Variants in SLC36A3 observed in about 807,000 individuals in gnomAD.
The protein encoded by SLC36A3 is solute carrier family 36 member 3.
A neutral mutation model predicts 44.3 loss-of-function variants in SLC36A3; 35 were observed. The ratio of observed to expected loss-of-function variants is 0.79; its 90% CI spans 0.60 to 1.05. The LOEUF is 1.05. SLC36A3 is among the 50% of genes least tolerant of loss of function. The pLI is 0.00. For missense variants in SLC36A3, 540 were observed against 578.7 expected (o/e 0.93, Z 0.69); for synonymous variants, 211 against 227.6 (o/e 0.93, Z 0.66).
chr5:151,292,604 A>G (rs2127266385), intron 4 of SLC36A3, among the ~76,000 whole-genome samples: 1 of 152,396 alleles, frequency 6.6e-6, no homozygotes, highest in South Asian at 2.1e-4. Context: ...TTATCAAGGC[A>G]GGGAACAACC....
At chr5:151,301,939 G>T (rs1205883293) in intron 1 of SLC36A3, among the ~76,000 whole-genome samples, 1 of 152,092 alleles carries the variant, frequency 6.6e-6, no homozygotes, top group African/African-American at 2.4e-5. Context: ...TCCTAGAGGG[G>T]TATTATTAAT....
chr5:151,299,264 C>CTCTCTCTCTATATATATATATATATA (rs1372309288), intron 1 of SLC36A3, among the ~76,000 whole-genome samples: 1 of 59,648 alleles, frequency 1.7e-5, no homozygotes, highest in African/African-American at 6.2e-5. Flanking sequence ...CTCTCTCTCT[C>CTCTCTCTCTATATATATATATATATA]TATATATATA....
rs1420266537 is a variant in SLC36A3 at position 151,284,109 on chromosome 5, T to G, written c.909A>C (p.Thr303=). 1 of 1,613,996 alleles carries G rather than the reference T, an allele frequency of 6.2e-7. No individual in the cohort carries two copies. Among genetic ancestry groups the G allele is most frequent in the African/African-American group, 1.3e-5 (1 of 74,902 alleles). ...CTGACCCAAACTTCATGTAGCCCAG[T>G]GTCCCCAGTAAGATATAGAGGATGA... ...IVIILYILLG[T]LGYMKFGSDT... is the part of the protein sequence containing the mutation. Residue 303 remains threonine (T), a synonymous_variant, in exon 8 of 10, where the codon ACA becomes ACC. Coordinates refer to ENST00000335230, the MANE Select transcript of SLC36A3 (RefSeq NM_181774.4).
chr5:151,297,677 T>C (rs1433045912), intron 2 of SLC36A3: 1 of 152,212 alleles, frequency 6.6e-6, no homozygotes, highest in Non-Finnish European at 1.5e-5. Context: ...AAAATAAATA[T>C]GTCGACCGGA....
intron 1 of SLC36A3, among the ~76,000 whole-genome samples, chr5:151,299,264 C>CTCTCTATATATATATATATATATA (rs1372309288): frequency 5.0e-5 from 3 of 59,646 alleles, no homozygotes; most frequent in African/African-American, 1.2e-4. Context: ...CTCTCTCTCT[C>CTCTCTATATATATATATATATATA]TATATATATA....
At chr5:151,299,264 CTATA>C (rs66776978) in intron 1 of SLC36A3, among the ~76,000 whole-genome samples, 3,114 of 59,338 alleles carry the variant, frequency 0.052, 87 homozygotes, top group African/African-American at 0.094. Flanking sequence ...CTCTCTCTCT[CTATA>C]TATATATATA....
At position 151,298,517 on chromosome 5, in the gene SLC36A3, T is replaced by A; in HGVS notation, c.219+76A>T. The stretch of plus-strand genomic sequence containing the variant: ...CCCCCAAATTGCCCATTGATAACAG[T>A]GTGAAGGCCTTCAGGACCTATCACC... On this transcript the variant is annotated intron_variant, in intron 2 of 9. Transcript: ENST00000335230. The A allele has an allele frequency of 2.1e-6, 3 of 1,418,964 alleles. No homozygotes were observed. In the South Asian group the frequency reaches 3.6e-5, roughly 17 times the overall value. The allele number at this position is 1,418,964 out of a possible 1,614,324, so 87.9% of individuals were successfully genotyped here. A position where few individuals can be genotyped will look rare whatever the true frequency, so the allele number is the denominator to read the frequency against.
intron 9 of SLC36A3, among the ~76,000 whole-genome samples, chr5:151,278,473 C>T (rs2127251056): frequency 6.6e-6 from 1 of 151,812 alleles, no homozygotes; most frequent in South Asian, 2.1e-4. Flanking sequence ...ACAATTATTA[C>T]ATTGATGTAT....
chr5:151,302,625 G>A (rs1755201938), intron 1 of SLC36A3, among the ~76,000 whole-genome samples: 1 of 152,106 alleles, frequency 6.6e-6, no homozygotes, highest in Admixed American at 6.5e-5. Context: ...TAAGGTATAT[G>A]GGGCTTAATA....
chr5:151,277,183 A>C lies in SLC36A3; in HGVS notation c.*210T>G. 1 of 637,822 alleles carries C rather than the reference A, an allele frequency of 1.6e-6. No homozygotes were observed. Among genetic ancestry groups the C allele is most frequent in the Non-Finnish European group, 2.6e-6 (1 of 384,052 alleles). 39.5% of individuals were successfully genotyped at this position (637,822 alleles called of 1,614,324 possible). A position where few individuals can be genotyped will look rare whatever the true frequency, so the allele number is the denominator to read the frequency against. On this transcript the variant is annotated 3_prime_UTR_variant, in exon 10 of 10. Coordinates refer to ENST00000335230, the MANE Select transcript of SLC36A3 (RefSeq NM_181774.4). ...TTGAATCTAATTTTGGTTCAGAGGT[A>C]CAAAAGGCCATCCAAAAAATATAAA...
chr5:151,294,687 G>T (rs3926161), intron 3 of SLC36A3, among the ~76,000 whole-genome samples: 72,698 of 151,208 alleles, frequency 0.48, 18,917 homozygotes, highest in African/African-American at 0.67. Context: ...TGGAGTGCAA[G>T]GGTGCGATCT....
At chr5:151,288,310 C>T in intron 5 of SLC36A3, 76 bp downstream of exon 5, 1 of 1,195,580 alleles carries the variant, frequency 8.4e-7, no homozygotes, top group Non-Finnish European at 1.2e-6. Flanking sequence ...GAGCCTAACA[C>T]AATACTTTTG....
At chr5:151,277,874 T>A (rs188479763) in intron 9 of SLC36A3, among the ~76,000 whole-genome samples, 2 of 152,278 alleles carry the variant, frequency 1.3e-5, no homozygotes, top group Admixed American at 1.3e-4. Context: ...GATTTTTTTT[T>A]ACATATAATC....
intron 4 of SLC36A3, among the ~76,000 whole-genome samples, chr5:151,292,855 G>T (rs547666957): frequency 1.3e-5 from 2 of 152,182 alleles, no homozygotes; most frequent in South Asian, 4.2e-4. Context: ...GTGGTGGTGG[G>T]CGCCTGTAAT....
chr5:151,282,111 G>GTTTTTTTTTTTTTTTTTTTTTTT (rs70976011), intron 8 of SLC36A3, among the ~76,000 whole-genome samples: 1 of 56,106 alleles, frequency 1.8e-5, no homozygotes, highest in Non-Finnish European at 3.2e-5. Flanking sequence ...CTTTTTCTTT[G>GTTTTTTTTTTTTTTTTTTTTTTT]TTTTTTTTTT....
chr5:151,276,948 T>G lies in SLC36A3; in HGVS notation c.*445A>C, dbSNP rs1488339494. ...GACAAAATTACTGCTGAGTTCTGTT[T>G]TTGTTCTGTCTATGACTCTTCTACT... is the stretch of plus-strand genomic sequence containing the variant. On this transcript the variant is annotated 3_prime_UTR_variant, in exon 10 of 10. Coordinates refer to ENST00000335230, the MANE Select transcript of SLC36A3 (RefSeq NM_181774.4). The G allele has an allele frequency of 6.2e-6, 1 of 161,406 alleles. No homozygotes were observed. Among genetic ancestry groups the G allele is most frequent in the African/African-American group, 2.4e-5 (1 of 41,550 alleles). The allele number at this position is 161,406 out of a possible 1,614,324, so 10.0% of individuals were successfully genotyped here. A position where few individuals can be genotyped will look rare whatever the true frequency, so the allele number is the denominator to read the frequency against.
chr5:151,299,428 T>C (rs574210266), intron 1 of SLC36A3, among the ~76,000 whole-genome samples: 1 of 149,856 alleles, frequency 6.7e-6, no homozygotes, highest in Non-Finnish European at 1.5e-5. Flanking sequence ...ATCGACATTA[T>C]GCACTGGGTA....
chr5:151,291,427 C>T (rs541414921), intron 4 of SLC36A3, among the ~76,000 whole-genome samples: 10 of 152,252 alleles, frequency 6.6e-5, no homozygotes, highest in African/African-American at 1.7e-4. Context: ...TGCTACATTC[C>T]CCTTGCCCTG....
rs75019562 is a variant in SLC36A3 at position 151,287,155 on chromosome 5, C to T, written c.708+91G>A. 3.2e-4 allele frequency: 429 copies of T among 1,320,110 alleles called. 1 individual carries two copies. In the African/African-American group the frequency reaches 5.8e-3, roughly 18 times the overall value. 81.8% of individuals were successfully genotyped at this position (1,320,110 alleles called of 1,614,324 possible). A position where few individuals can be genotyped will look rare whatever the true frequency, so the allele number is the denominator to read the frequency against. On this transcript the variant is annotated intron_variant, in intron 6 of 9. Coordinates refer to ENST00000335230, the MANE Select transcript of SLC36A3 (RefSeq NM_181774.4). ...GCTCAGAGCAGAGGATCACCTTCCT[C>T]AGCTTCACCTGCCCATCATGATAAC...
Sources: gnomAD v4.1 joint callset for allele counts (sites outside exome capture counted in the v4.1 genomes callset) on GRCh38, gnomAD v4.1.1 for gene constraint, MANE v1.5 for transcripts, NCBI Gene and HGNC (gene_info 2026-07-23, HGNC 2026-07-21) for gene names.